Variants in LINGO2 observed in about 807,000 individuals in gnomAD.
The protein encoded by LINGO2 is leucine-rich repeat and immunoglobulin-like domain-containing nogo receptor-interacting protein 2.
LINGO2 carries 14 observed loss-of-function variants against 30.6 expected under a neutral mutation model. The ratio of observed to expected loss-of-function variants is 0.46; its 90% CI spans 0.30 to 0.72. LINGO2 has a LOEUF of 0.72. Among genes scored for constraint, LINGO2 ranks in the 30% least tolerant of loss-of-function variants. The pLI is 0.07. For synonymous variants in LINGO2, 317 were observed against 288.5 expected (o/e 1.10, Z -1.00); for missense variants, 729 against 751.7 (o/e 0.97, Z 0.35).
intron 3 of LINGO2, among the ~76,000 whole-genome samples, chr9:28,348,877 C>G (rs1186022709): frequency 2.0e-5 from 3 of 151,544 alleles, no homozygotes; most frequent in African/African-American, 4.9e-5. Flanking sequence ...AGGCACCCCC[C>G]ACCAGGGGCA....
At chr9:28,106,561 C>CAT (rs1826599271) in intron 4 of LINGO2, among the ~76,000 whole-genome samples, 1 of 152,144 alleles carries the variant, frequency 6.6e-6, no homozygotes, top group Non-Finnish European at 1.5e-5. Context: ...GAGCCATATA[C>CAT]ATATCCTCAA....
At chr9:28,907,426 G>A in the LINGO2 span, among the ~76,000 whole-genome samples, 333 of 151,792 alleles carry the variant, frequency 2.2e-3, 9 homozygotes, top group East Asian at 0.055. Flanking sequence ...TTTTTTGGCA[G>A]GTGGTAAGGA....
At chr9:28,893,614 A>ATAT in the LINGO2 span, among the ~76,000 whole-genome samples, 3 of 151,440 alleles carry the variant, frequency 2.0e-5, no homozygotes, top group African/African-American at 7.3e-5. Context: ...TGATGGAAGA[A>ATAT]AATATCTTAT....
At chr9:28,501,944 A>G (rs1277720041) in intron 1 of LINGO2, among the ~76,000 whole-genome samples, 1 of 152,054 alleles carries the variant, frequency 6.6e-6, no homozygotes, top group Non-Finnish European at 1.5e-5. Context: ...TTGTTTTGCA[A>G]TTGGCAAAAA....
intron 4 of LINGO2, among the ~76,000 whole-genome samples, chr9:28,162,268 T>C (rs951986899): frequency 5.9e-5 from 9 of 152,212 alleles, no homozygotes; most frequent in African/African-American, 1.4e-4. Flanking sequence ...ACTTGAATGA[T>C]ATTGTTTGTC....
intron 4 of LINGO2, among the ~76,000 whole-genome samples, chr9:28,042,651 T>A (rs927454049): frequency 6.6e-6 from 1 of 152,134 alleles, no homozygotes; most frequent in Non-Finnish European, 1.5e-5. Flanking sequence ...ATGGAAAAAT[T>A]CATATATTCA....
chr9:28,539,880 T>C (rs1036530183), intron 1 of LINGO2, among the ~76,000 whole-genome samples: 27 of 152,162 alleles, frequency 1.8e-4, no homozygotes, highest in African/African-American at 6.3e-4. Context: ...AATTAGTCTA[T>C]GTTCAGCAGA....
intron 4 of LINGO2, among the ~76,000 whole-genome samples, chr9:28,085,554 G>T (rs990368455): frequency 6.6e-6 from 1 of 152,116 alleles, no homozygotes; most frequent in African/African-American, 2.4e-5. Flanking sequence ...GTTTGAAAGT[G>T]AGAAGCAAAG....
intron 4 of LINGO2, among the ~76,000 whole-genome samples, chr9:28,199,560 G>A (rs1271325830): frequency 6.6e-6 from 1 of 151,936 alleles, no homozygotes; most frequent in East Asian, 1.9e-4. Flanking sequence ...GGATGGCCTC[G>A]ATCTCCTGAT....
At chr9:28,023,844 G>T (rs750451140) in intron 4 of LINGO2, among the ~76,000 whole-genome samples, 21 of 152,070 alleles carry the variant, frequency 1.4e-4, no homozygotes, top group Non-Finnish European at 2.6e-4. Context: ...CTAAGATTAT[G>T]CCACACAGGA....
At chr9:28,874,857 G>A in the LINGO2 span, among the ~76,000 whole-genome samples, 225 of 152,190 alleles carry the variant, frequency 1.5e-3, 4 homozygotes, top group African/African-American at 5.1e-3. Context: ...TATTCATTTA[G>A]TTGTGTAACA....
chr9:28,964,758 A>T, the LINGO2 span, among the ~76,000 whole-genome samples: 1 of 151,984 alleles, frequency 6.6e-6, no homozygotes, highest in African/African-American at 2.4e-5. Flanking sequence ...AATAATTAAG[A>T]TTAAGTTTTG....
chr9:28,737,979 G>GT, the LINGO2 span, among the ~76,000 whole-genome samples: 1 of 152,094 alleles, frequency 6.6e-6, no homozygotes, highest in Middle Eastern at 3.4e-3. Flanking sequence ...ACATCAATTT[G>GT]TTTTTTTCTG....
At position 27,973,309 on chromosome 9, in the gene LINGO2, T is replaced by C. The variant is rs561528111; in HGVS notation, c.-35-22603A>G. Among the ~76,000 whole-genome samples the C allele has an allele frequency of 6.6e-5, 10 of 151,954 alleles. No homozygotes were observed. The South Asian group carries it at 1.9e-3, about 28-fold the overall frequency. On this transcript the variant is annotated intron_variant, in intron 5 of 5. Coordinates refer to ENST00000379992, the Ensembl canonical transcript of LINGO2. ...ATACTAAGAAGTCATCCTGGAAGAG[T>C]ATAACAGGGAAGAATATTTGTTCTG...
chr9:28,195,122 T>G (rs1819963486), intron 4 of LINGO2, among the ~76,000 whole-genome samples: 1 of 152,004 alleles, frequency 6.6e-6, no homozygotes, highest in South Asian at 2.1e-4. Context: ...ATTAAGTAAC[T>G]TTTAGAACAA....
At chr9:28,381,781 C>T (rs1171906298) in intron 2 of LINGO2, among the ~76,000 whole-genome samples, 2 of 152,056 alleles carry the variant, frequency 1.3e-5, no homozygotes, top group African/African-American at 4.8e-5. Context: ...CCCAGATGGT[C>T]ATTTATGTCG....
chr9:29,047,611 T>C, the LINGO2 span, among the ~76,000 whole-genome samples: 1 of 152,104 alleles, frequency 6.6e-6, no homozygotes, highest in Non-Finnish European at 1.5e-5. Context: ...GTACTGGAAG[T>C]CCTAGTTTGA....
the LINGO2 span, among the ~76,000 whole-genome samples, chr9:29,153,884 T>C: frequency 6.6e-6 from 1 of 152,124 alleles, no homozygotes; most frequent in Non-Finnish European, 1.5e-5. Context: ...ACTGAACAAA[T>C]GTTAAACGGA....
intron 1 of LINGO2, among the ~76,000 whole-genome samples, chr9:28,510,316 A>G (rs1026149962): frequency 3.9e-5 from 6 of 152,128 alleles, no homozygotes; most frequent in Non-Finnish European, 8.8e-5. Flanking sequence ...TACTGATAAT[A>G]CATACAGTTG....
Sources: gnomAD v4.1 joint callset for allele counts (sites outside exome capture counted in the v4.1 genomes callset) on GRCh38, gnomAD v4.1.1 for gene constraint, MANE v1.5 for transcripts, NCBI Gene and HGNC (gene_info 2026-07-23, HGNC 2026-07-21) for gene names.